Variants in KMT2E observed in about 807,000 individuals in gnomAD.
KMT2E encodes the protein lysine methyltransferase 2E (inactive).
A neutral mutation model predicts 184.6 loss-of-function variants in KMT2E; 30 were observed. The observed-to-expected ratio is 0.16, with a 90% confidence interval of 0.12 to 0.22. KMT2E has a LOEUF of 0.22. Among genes scored for constraint, KMT2E ranks in the 10% least tolerant of loss-of-function variants. KMT2E has a pLI of 1.00. For synonymous variants in KMT2E, 815 were observed against 776.5 expected, an observed-to-expected ratio of 1.05 and a Z score of -0.82; for missense variants, 2,023 against 2,237.4, an observed-to-expected ratio of 0.90 and a Z score of 1.93.
At chr7:105,109,337 A>G in intron 23 of KMT2E, 109 bp downstream of exon 23, 1 of 1,078,378 alleles carries the variant, frequency 9.3e-7, no homozygotes, top group Non-Finnish European at 1.3e-6. Flanking sequence ...CGTGGTCACA[A>G]TTTTAAAAGA....
chr7:105,029,272 T>C (rs991806313), intron 1 of KMT2E, among the ~76,000 whole-genome samples: 1 of 152,164 alleles, frequency 6.6e-6, no homozygotes, highest in Admixed American at 6.5e-5. Flanking sequence ...CTTGATTATA[T>C]TGGATTGCCA....
chr7:105,096,394 G>T (rs1798413528), intron 15 of KMT2E, among the ~76,000 whole-genome samples: 1 of 151,662 alleles, frequency 6.6e-6, no homozygotes, highest in Non-Finnish European at 1.5e-5. Context: ...GGTAATATTT[G>T]ATGGCCTATA....
At chr7:105,044,541 G>C (rs1796018840) in intron 3 of KMT2E, among the ~76,000 whole-genome samples, 1 of 152,088 alleles carries the variant, frequency 6.6e-6, no homozygotes, top group African/African-American at 2.4e-5. Context: ...TTGGAGGTAG[G>C]GTTTGTGACA....
At chr7:105,088,675 C>T (rs1230015469) in intron 13 of KMT2E, among the ~76,000 whole-genome samples, 1 of 152,072 alleles carries the variant, frequency 6.6e-6, no homozygotes, top group Non-Finnish European at 1.5e-5. Context: ...AAAGTACATG[C>T]GCCTGAGAGT....
intron 3 of KMT2E, among the ~76,000 whole-genome samples, chr7:105,055,637 A>G (rs1329388011): frequency 1.3e-5 from 2 of 152,174 alleles, no homozygotes; most frequent in Non-Finnish European, 2.9e-5. Context: ...ACTACAGGTA[A>G]TTGTGCTGCT....
Position 105,112,120 on chromosome 7 carries a change from C to T in KMT2E, c.4364C>T (p.Thr1455Met), listed in dbSNP as rs370792273. Residue 1455 changes from threonine to methionine, a missense_variant, in exon 27 of 27, where the codon ACG (threonine) becomes ATG (methionine). Thr to Met is a moderately conservative substitution (Grantham distance 81, BLOSUM62 -1). Coordinates refer to ENST00000311117, the MANE Select transcript of KMT2E (RefSeq NM_182931.3). Reference protein sequence around the residue: ...PHLENPPKSSTPHTPVQHGYL... With the variant: ...PHLENPPKSSMPHTPVQHGYL... Reference sequence around the variant, plus strand: ...CTAGAAAATCCTCCAAAGTCATCCACGCCTCACACACCTGTACAGCATGGT... The same window carrying T: ...CTAGAAAATCCTCCAAAGTCATCCATGCCTCACACACCTGTACAGCATGGT... 34 of 1,614,072 alleles carry T rather than the reference C, an allele frequency of 2.1e-5. No homozygotes were observed. In the South Asian group the frequency reaches 2.7e-4, roughly 13 times the overall value.
chr7:105,077,092 G>T lies in KMT2E; in HGVS notation c.898G>T (p.Ala300Ser), dbSNP rs1182970284. The change falls in exon 10 of 27, where the codon GCA becomes TCA. Residue 300 changes from alanine to serine, a missense_variant. By Grantham distance (99) the Ala-to-Ser change is moderately conservative. This residue lies in a region of KMT2E where 191 missense variants were observed against 209.0 expected (regional missense o/e 0.91). Transcript: ENST00000311117. Reference sequence around the variant, plus strand: ...GTACAGTGAGGGTGTTCAGAGGGAGGCACAAAGAATAGCTCTGAGATTAGG... The same window carrying T: ...GTACAGTGAGGGTGTTCAGAGGGAGTCACAAAGAATAGCTCTGAGATTAGG... ...NQYSEGVQREAQRIALRLGNG... is the reference protein window; with the variant it reads ...NQYSEGVQRESQRIALRLGNG... 1 of 1,613,650 alleles carries T rather than the reference G, an allele frequency of 6.2e-7. No individual in the cohort carries two copies. The highest frequency in any genetic ancestry group is 1.3e-5 in the African/African-American group (1 of 74,818).
At chr7:105,099,731 AGTTT>A (rs1798577071) in intron 15 of KMT2E, among the ~76,000 whole-genome samples, 1 of 152,190 alleles carries the variant, frequency 6.6e-6, no homozygotes, top group Non-Finnish European at 1.5e-5. Flanking sequence ...TGCCAAGACA[AGTTT>A]GTTTCTTCTG....
Position 105,113,166 on chromosome 7 carries a change from C to CCAA in KMT2E, c.5413_5415dup (p.Thr1805dup). The CCAA allele has an allele frequency of 6.2e-7, 1 of 1,614,204 alleles. No homozygotes were observed. Among genetic ancestry groups the CCAA allele is most frequent in the Non-Finnish European group, 8.5e-7 (1 of 1,180,030 alleles). ...CCAGCCCCAAGGACCAAACAGTATT[C>CCAA]CAACACCTACTGCTTCAGGGTTCTG... On this transcript the variant is annotated inframe_insertion, in exon 27 of 27. Coordinates refer to ENST00000311117, the MANE Select transcript of KMT2E (RefSeq NM_182931.3).
At chr7:105,075,992 A>T (rs763706981) in intron 8 of KMT2E, 51 bp from the exon 9 acceptor site, 1 of 1,375,052 alleles carries the variant, frequency 7.3e-7, no homozygotes, top group Non-Finnish European at 1.0e-6. Flanking sequence ...CTTAAATATT[A>T]ATTATGTCCA....
intron 17 of KMT2E, chr7:105,104,686 C>G (rs1306189087): frequency 6.6e-6 from 1 of 151,884 alleles, no homozygotes; most frequent in Non-Finnish European, 1.5e-5. Context: ...CTCACCCTTT[C>G]TCAAAAAAAG....
chr7:105,091,337 T>A, intron 15 of KMT2E, 23 bp downstream of exon 15: 1 of 1,324,728 alleles, frequency 7.5e-7, no homozygotes, highest in Middle Eastern at 1.8e-4. Flanking sequence ...GCCAGTAGTT[T>A]GGGCTTAGTG....
chr7:105,027,824 G>C (rs192342446), intron 1 of KMT2E, among the ~76,000 whole-genome samples: 13 of 151,924 alleles, frequency 8.6e-5, no homozygotes, highest in Middle Eastern at 3.4e-3. Context: ...AATTAATTTT[G>C]GTCCCTTGCT....
intron 3 of KMT2E, among the ~76,000 whole-genome samples, chr7:105,052,736 T>A (rs957268371): frequency 1.5e-4 from 22 of 151,134 alleles, no homozygotes; most frequent in Non-Finnish European, 2.5e-4. Context: ...TTTTTTTTTT[T>A]ATTTTTTTAT....
At chr7:105,053,147 C>T (rs1394061601) in intron 3 of KMT2E, among the ~76,000 whole-genome samples, 1 of 151,924 alleles carries the variant, frequency 6.6e-6, no homozygotes, top group Non-Finnish European at 1.5e-5. Context: ...TTTTAAGTCG[C>T]GGTTTTGGTT....
chr7:105,112,706 C>T lies in KMT2E; in HGVS notation c.4950C>T (p.His1650=), dbSNP rs1367985975. The part of the protein sequence containing the change: ...LVQQPNSHQQ[H]SVAHVVGPVH... Reference sequence around the variant, plus strand: ...AACAGCCGAATTCCCATCAGCAACACTCTGTAGCACATGTAGTAGGGCCTG... The same window carrying T: ...AACAGCCGAATTCCCATCAGCAACATTCTGTAGCACATGTAGTAGGGCCTG... Residue 1650 remains histidine, a synonymous_variant, in exon 27 of 27, where the codon CAC becomes CAT. Transcript: ENST00000311117. 1 of 1,613,984 alleles carries T rather than the reference C, an allele frequency of 6.2e-7. No individual in the cohort carries two copies. The highest frequency in any genetic ancestry group is 2.2e-5 in the East Asian group (1 of 44,850).
At chr7:105,041,091 A>G in intron 3 of KMT2E, 68 bp downstream of exon 3, 1 of 926,120 alleles carries the variant, frequency 1.1e-6, no homozygotes, top group Non-Finnish European at 1.6e-6. Flanking sequence ...GAAAGTAGGA[A>G]GAAGTATAAG....
At chr7:105,039,089 GTTAA>G (rs1795781812) in intron 2 of KMT2E, 1 of 152,152 alleles carries the variant, frequency 6.6e-6, no homozygotes, top group Non-Finnish European at 1.5e-5. Flanking sequence ...AGTTCATTTA[GTTAA>G]TTAAGCCAGA....
chr7:105,091,175 G>A (rs1379499889), intron 14 of KMT2E, 41 bp from the exon 15 acceptor site: 1 of 903,856 alleles, frequency 1.1e-6, no homozygotes, highest in East Asian at 2.4e-5. Flanking sequence ...TTGTATAGAT[G>A]GAATAATAGT....
Sources: allele counts gnomAD v4.1 joint callset (sites outside exome capture counted in the v4.1 genomes callset), GRCh38; gene constraint gnomAD v4.1.1; regional missense constraint gnomAD v4.1.1; transcripts MANE v1.5; gene names NCBI Gene and HGNC (gene_info 2026-07-23, HGNC 2026-07-21).